The following MED4 variants were observed in gnomAD, a reference collection of about 807,000 sequenced individuals.
The protein encoded by MED4 is mediator complex subunit 4.
MED4 carries 21 observed loss-of-function variants against 35.0 expected under a neutral mutation model. The ratio of observed to expected loss-of-function variants is 0.60; its 90% CI spans 0.43 to 0.86. The LOEUF (loss-of-function observed/expected upper bound fraction) is 0.86. MED4 is among the 40% of genes least tolerant of loss of function. The pLI is 0.00. For synonymous variants in MED4, 138 were observed against 114.0 expected (o/e 1.21, Z -1.34); for missense variants, 300 against 319.4 (o/e 0.94, Z 0.46).
At chr13:48,084,119 T>C (rs897344437) in intron 3 of MED4, among the ~76,000 whole-genome samples, 3 of 152,036 alleles carry the variant, frequency 2.0e-5, no homozygotes, top group African/African-American at 7.3e-5. Flanking sequence ...AAAATTTATA[T>C]GGGCATGGTG....
chr13:48,080,015 A>T (rs750022010), intron 5 of MED4, 40 bp from the exon 6 acceptor site: 31 of 1,598,910 alleles, frequency 1.9e-5, no homozygotes, highest in Admixed American at 1.5e-4. Context: ...ATCATATTTT[A>T]AAAAATAAGT....
chr13:48,090,273 G>A (rs999311776), intron 2 of MED4, 79 bp downstream of exon 2: 2 of 1,089,802 alleles, frequency 1.8e-6, no homozygotes, highest in Non-Finnish European at 2.7e-6. Flanking sequence ...ATATAAAGAG[G>A]AAACTTGCAG....
At chr13:48,078,693 T>C (rs542852231) in intron 6 of MED4, among the ~76,000 whole-genome samples, 1 of 152,164 alleles carries the variant, frequency 6.6e-6, no homozygotes, top group Non-Finnish European at 1.5e-5. Context: ...TGTTTTTAGG[T>C]CTGTCCCTTC....
intron 6 of MED4, among the ~76,000 whole-genome samples, chr13:48,078,860 G>A (rs79959420): frequency 0.025 from 3,764 of 152,202 alleles, 80 homozygotes; most frequent in South Asian, 0.079. Flanking sequence ...CATTATTAAT[G>A]ACACAGGGAC....
rs959349133 is a variant in MED4, at chr13:48,092,933, G to A, written c.125+2021C>T. Among the ~76,000 whole-genome samples the A allele has an allele frequency of 3.3e-5, 5 of 152,236 alleles. No individual in the cohort carries two copies. The East Asian group carries it at 9.7e-4, about 29-fold the overall frequency. On this transcript the variant is annotated intron_variant, in intron 1 of 6. Transcript: ENST00000258648. Reference sequence around the variant, plus strand: ...GGCTTGCCTTAGGCGCCGGAGTAGAGGGGAGGTAGAAGTCTCTAAGACTTA... The same window carrying A: ...GGCTTGCCTTAGGCGCCGGAGTAGAAGGGAGGTAGAAGTCTCTAAGACTTA...
intron 2 of MED4, among the ~76,000 whole-genome samples, chr13:48,087,152 G>A (rs1950854284): frequency 6.6e-6 from 1 of 151,080 alleles, no homozygotes; most frequent in Admixed American, 6.6e-5. Flanking sequence ...AATCACCAGA[G>A]GTCAAAAGTT....
intron 6 of MED4, 99 bp downstream of exon 6, chr13:48,079,745 T>G: frequency 7.1e-7 from 1 of 1,411,382 alleles, no homozygotes; most frequent in Non-Finnish European, 9.6e-7. Flanking sequence ...AAAAAAATTG[T>G]GTCGGGAATC....
chr13:48,083,239 C>T (rs1950823303), intron 4 of MED4, 132 bp downstream of exon 4: 2 of 677,638 alleles, frequency 3.0e-6, no homozygotes, highest in Non-Finnish European at 4.8e-6. Flanking sequence ...TAGAACACAA[C>T]ACACTTTACA....
At chr13:48,092,201 G>C (rs1382944182) in intron 1 of MED4, among the ~76,000 whole-genome samples, 1 of 152,082 alleles carries the variant, frequency 6.6e-6, no homozygotes, top group Non-Finnish European at 1.5e-5. Context: ...TCCACCTCCC[G>C]GGTTCAAAGA....
intron 2 of MED4, 66 bp from the exon 3 acceptor site, chr13:48,086,518 A>C: frequency 7.0e-7 from 1 of 1,430,894 alleles, no homozygotes; most frequent in African/African-American, 1.4e-5. Context: ...AATGAAACAA[A>C]GAATCCGTAA....
At chr13:48,090,479 T>TA in intron 1 of MED4, 61 bp from the exon 2 acceptor site, 1 of 1,335,610 alleles carries the variant, frequency 7.5e-7, no homozygotes, top group South Asian at 1.3e-5. Context: ...CACTCAGGGC[T>TA]ACTCCCTACA....
At chr13:48,083,003 T>C (rs1262063080) in intron 4 of MED4, among the ~76,000 whole-genome samples, 2 of 152,198 alleles carry the variant, frequency 1.3e-5, no homozygotes, top group African/African-American at 2.4e-5. Flanking sequence ...CCCAGCGCAG[T>C]TGCCCAATGG....
At chr13:48,082,306 A>G (rs1268442426) in intron 4 of MED4, among the ~76,000 whole-genome samples, 3 of 152,084 alleles carry the variant, frequency 2.0e-5, no homozygotes, top group Non-Finnish European at 2.9e-5. Flanking sequence ...GAAAAAAAAA[A>G]TCTAGGACAT....
At chr13:48,086,488 C>T in intron 2 of MED4, 36 bp from the exon 3 acceptor site, 1 of 1,583,452 alleles carries the variant, frequency 6.3e-7, no homozygotes, top group South Asian at 1.1e-5. Context: ...AGACAATAGA[C>T]TACTGAAAGG....
In MED4 at chr13:48,088,788, T is replaced by A. The variant is rs150075419; in HGVS notation, c.192+1564A>T. On this transcript the variant is annotated intron_variant, in intron 2 of 6. Transcript: ENST00000258648. Reference sequence around the variant, plus strand: ...GAGGTTGAACTGAACATCGTTAAGATCCTTTCTAATTCTAAAATTCTATAT... The same window carrying A: ...GAGGTTGAACTGAACATCGTTAAGAACCTTTCTAATTCTAAAATTCTATAT... 3.0e-4 allele frequency among the ~76,000 whole-genome samples: 45 copies of A among 152,352 alleles called. No homozygotes were observed. The East Asian group carries it at 8.3e-3, about 28-fold the overall frequency.
Position 48,094,989 on chromosome 13 carries a change from C to CCTCAAGTCCTCA in MED4, c.89_90insTGAGGACTTGAG (p.Leu30_Leu31insGluAspLeuArg). The CCTCAAGTCCTCA allele has an allele frequency of 1.2e-6, 2 of 1,604,122 alleles. No individual in the cohort carries two copies. The highest frequency in any genetic ancestry group is 1.7e-6 in the Non-Finnish European group (2 of 1,179,852). ...CCTCCAAGTCCTCAAGCGCAGACAGCAGCCGCTCTCGTGTGCTGTTACCAC... is the reference window on the plus strand; with the variant it reads ...CCTCCAAGTCCTCAAGCGCAGACAGCCTCAAGTCCTCAAGCCGCTCTCGTGTGCTGTTACCAC... On this transcript the variant is annotated inframe_insertion, in exon 1 of 7. Coordinates refer to ENST00000258648, the MANE Select transcript of MED4 (RefSeq NM_014166.4).
In MED4 at chr13:48,081,655, G is replaced by A. The variant is rs113412229; in HGVS notation, c.498C>T (p.Thr166=). The A allele has an allele frequency of 2.5e-6, 4 of 1,609,328 alleles. No individual in the cohort carries two copies. The African/African-American group carries it at 5.4e-5, about 22-fold the overall frequency. ...SASNAVCAPL[T]WVPGDPRRPY... is the part of the protein sequence containing the mutation. ...GACGAGTATGTTTACCTGGAACCCAGGTCAGTGGAGCACATACAGCATTAC... is the reference window on the plus strand; with the variant it reads ...GACGAGTATGTTTACCTGGAACCCAAGTCAGTGGAGCACATACAGCATTAC... The change falls in exon 5 of 7, where the codon ACC becomes ACT. Residue 166 remains threonine, a synonymous_variant. Coordinates refer to ENST00000258648, the MANE Select transcript of MED4 (RefSeq NM_014166.4).
At chr13:48,094,196 G>C (rs547073258) in intron 1 of MED4, among the ~76,000 whole-genome samples, 62 of 152,148 alleles carry the variant, frequency 4.1e-4, no homozygotes, top group South Asian at 3.7e-3. Flanking sequence ...CTACATTTAA[G>C]AAGGAGTTAT....
intron 4 of MED4, among the ~76,000 whole-genome samples, chr13:48,082,824 CT>C (rs1156750557): frequency 9.9e-6 from 1 of 101,328 alleles, no homozygotes; most frequent in Non-Finnish European, 1.8e-5. Flanking sequence ...GAGACTCCGT[CT>C]CAAAAAAAAA....
Sources: gnomAD v4.1 joint callset for allele counts (sites outside exome capture counted in the v4.1 genomes callset) on GRCh38, gnomAD v4.1.1 for gene constraint, MANE v1.5 for transcripts, NCBI Gene and HGNC (gene_info 2026-07-23, HGNC 2026-07-21) for gene names.